Variants in TMCC1 observed in about 807,000 individuals in gnomAD.
TMCC1 encodes the protein transmembrane and coiled-coil domains protein 1.
A neutral mutation model predicts 52.4 loss-of-function variants in TMCC1; 15 were observed. That is an observed-to-expected ratio of 0.29 (90% confidence interval 0.19 to 0.44). The LOEUF (loss-of-function observed/expected upper bound fraction) is 0.44. Among genes scored for constraint, TMCC1 ranks in the 20% least tolerant of loss-of-function variants. The pLI is 1.00. For synonymous variants in TMCC1, 279 were observed against 301.9 expected (o/e 0.92, Z 0.79); for missense variants, 503 against 806.0 (o/e 0.62, Z 4.55).
At chr3:129,712,643 G>C (rs1003452258) in intron 4 of TMCC1, among the ~76,000 whole-genome samples, 1 of 151,828 alleles carries the variant, frequency 6.6e-6, no homozygotes, top group Non-Finnish European at 1.5e-5. Context: ...TGTAGAGACA[G>C]AGACTCACTC....
At chr3:129,709,185 C>G (rs1435328440) in intron 4 of TMCC1, among the ~76,000 whole-genome samples, 1 of 151,842 alleles carries the variant, frequency 6.6e-6, no homozygotes, top group Admixed American at 6.6e-5. Flanking sequence ...TTAGATTGTC[C>G]GGTGTAGTGG....
At chr3:129,734,426 T>C (rs1027876426) in intron 4 of TMCC1, among the ~76,000 whole-genome samples, 8 of 152,190 alleles carry the variant, frequency 5.3e-5, no homozygotes, top group South Asian at 4.1e-4. Flanking sequence ...TACAAGTACA[T>C]AGACATATTT....
intron 4 of TMCC1, among the ~76,000 whole-genome samples, chr3:129,774,429 T>G (rs1560389915): frequency 6.6e-6 from 1 of 152,178 alleles, no homozygotes; most frequent in Non-Finnish European, 1.5e-5. Flanking sequence ...TCACCTTCAA[T>G]AAATGTATGT....
Position 129,747,897 on chromosome 3 carries a change from T to A in TMCC1, c.577-76633A>T, listed in dbSNP as rs138404629. Among the ~76,000 whole-genome samples, 333 of 152,308 alleles carry A rather than the reference T, an allele frequency of 2.2e-3. 3 individuals are homozygous for A. The highest frequency in any genetic ancestry group is 7.6e-3 in the African/African-American group (314 of 41,562). ...CAGTAGCAGAAACACACTTTTCTCCTATAGTAATAACTAAGAAAGAACCCT... is the reference window on the plus strand; with the variant it reads ...CAGTAGCAGAAACACACTTTTCTCCAATAGTAATAACTAAGAAAGAACCCT... On this transcript the variant is annotated intron_variant, in intron 4 of 6. Coordinates refer to ENST00000393238, the MANE Select transcript of TMCC1 (RefSeq NM_001017395.5).
intron 4 of TMCC1, among the ~76,000 whole-genome samples, chr3:129,766,879 A>G (rs2054170898): frequency 6.6e-6 from 1 of 152,032 alleles, no homozygotes; most frequent in Non-Finnish European, 1.5e-5. Flanking sequence ...TTAGCCTCCC[A>G]AAGTGCTGGG....
At chr3:129,732,528 T>A (rs569478833) in intron 4 of TMCC1, among the ~76,000 whole-genome samples, 30 of 152,328 alleles carry the variant, frequency 2.0e-4, no homozygotes, top group Middle Eastern at 3.4e-3. Context: ...AAAGAGTTTA[T>A]TTTCAAATAT....
Position 129,651,825 on chromosome 3 carries a change from C to T in TMCC1, c.1648-30G>A. 2 of 1,592,316 alleles carry T rather than the reference C, an allele frequency of 1.3e-6. No homozygotes were observed. The highest frequency in any genetic ancestry group is 1.7e-6 in the Non-Finnish European group (2 of 1,169,388). On this transcript the variant is annotated intron_variant, in intron 6 of 6. Coordinates refer to ENST00000393238, the MANE Select transcript of TMCC1 (RefSeq NM_001017395.5). The surrounding 1 kb of genome is among the most constrained non-coding windows in gnomAD (Gnocchi z 5.1). Reference sequence around the variant, plus strand: ...GGGCCAGAACAGGGAAGAGTTAAGCCTTCTGCTCACAAGTATTCTGAGATG... The same window carrying T: ...GGGCCAGAACAGGGAAGAGTTAAGCTTTCTGCTCACAAGTATTCTGAGATG...
chr3:129,688,521 C>T (rs2089574153), intron 4 of TMCC1: 1 of 985,554 alleles, frequency 1.0e-6, no homozygotes, highest in South Asian at 4.7e-5. Flanking sequence ...GCAGGTACAG[C>T]CGCACCACAT....
intron 4 of TMCC1, among the ~76,000 whole-genome samples, chr3:129,813,931 T>A (rs1043634396): frequency 2.0e-5 from 3 of 152,024 alleles, no homozygotes; most frequent in Non-Finnish European, 2.9e-5. Context: ...TCTGTGATAA[T>A]AAACACTTTA....
intron 4 of TMCC1, among the ~76,000 whole-genome samples, chr3:129,731,781 C>T (rs556324824): frequency 1.8e-4 from 28 of 152,078 alleles, no homozygotes; most frequent in African/African-American, 6.0e-4. Flanking sequence ...CCCCCAAGCC[C>T]GGCTAGTTTT....
chr3:129,661,954 T>G (rs1024085195), intron 5 of TMCC1, among the ~76,000 whole-genome samples: 1 of 152,228 alleles, frequency 6.6e-6, no homozygotes, highest in South Asian at 2.1e-4. Flanking sequence ...GTTTACTTCC[T>G]GTCTAAATTC....
rs1292745259 is a variant in TMCC1, at chr3:129,840,408, AT to A, written c.-183-7583del. Among the ~76,000 whole-genome samples, 6 of 152,272 alleles carry A rather than the reference AT, an allele frequency of 3.9e-5. No homozygotes were observed. The East Asian group carries it at 1.2e-3, about 29-fold the overall frequency. ...AAGCAAAGATTTAAAGAGGAAAAAA[AT>A]AAAACAATGGAGAAAAATATACCAT... is the stretch of plus-strand genomic sequence containing the variant. On this transcript the variant is annotated intron_variant, in intron 2 of 6. Transcript: ENST00000393238.
intron 4 of TMCC1, among the ~76,000 whole-genome samples, chr3:129,681,375 GA>G (rs2088963164): frequency 6.6e-6 from 1 of 151,778 alleles, no homozygotes; most frequent in Non-Finnish European, 1.5e-5. Flanking sequence ...CTCACGGTTT[GA>G]ATTTATTTTA....
chr3:129,811,610 T>C (rs1426808438), intron 4 of TMCC1, among the ~76,000 whole-genome samples: 1 of 152,054 alleles, frequency 6.6e-6, no homozygotes, highest in Admixed American at 6.6e-5. Context: ...TCTCAGCAAA[T>C]CTTCAATAAA....
intron 4 of TMCC1, among the ~76,000 whole-genome samples, chr3:129,758,254 T>C (rs550506651): frequency 6.6e-6 from 1 of 152,300 alleles, no homozygotes; most frequent in South Asian, 2.1e-4. Context: ...AATTTACAGA[T>C]AAGCAAAAAG....
At chr3:129,653,671 C>G (rs1290954635) in intron 6 of TMCC1, among the ~76,000 whole-genome samples, 1 of 151,948 alleles carries the variant, frequency 6.6e-6, no homozygotes, top group African/African-American at 2.4e-5. Flanking sequence ...ATCTCCTGAC[C>G]TTGTGATCCG....
intron 4 of TMCC1, among the ~76,000 whole-genome samples, chr3:129,673,376 C>T (rs753724901): frequency 2.0e-5 from 3 of 152,122 alleles, no homozygotes; most frequent in Non-Finnish European, 4.4e-5. Flanking sequence ...GATTTCAGAT[C>T]CTTGACCTTG....
In TMCC1 at chr3:129,828,371, G is replaced by A; in HGVS notation, c.8C>T (p.Pro3Leu). ...CTCAAATAACTGTTCACTGCCCGAA[G>A]GCTCCATCAGTAGACTTAATATGCT... ME[P>L]SGSEQLFEDP... The change falls in exon 4 of 7, where the codon CCT becomes CTT. Residue 3 changes from proline (P) to leucine (L), a missense_variant. Coordinates refer to ENST00000393238, the MANE Select transcript of TMCC1 (RefSeq NM_001017395.5). This position sits in a 1 kb window ranked among gnomAD's most constrained non-coding sequence, Gnocchi z 4.1. 1.2e-6 allele frequency: 2 copies of A among 1,613,416 alleles called. No homozygotes were observed. The highest frequency in any genetic ancestry group is 1.7e-6 in the Non-Finnish European group (2 of 1,179,762).
At chr3:129,825,425 A>T (rs533460831) in intron 4 of TMCC1, among the ~76,000 whole-genome samples, 1 of 151,842 alleles carries the variant, frequency 6.6e-6, no homozygotes, top group South Asian at 2.1e-4. Flanking sequence ...AAATAAGAAG[A>T]TGATATAGTG....
Sources: allele counts gnomAD v4.1 joint callset (sites outside exome capture counted in the v4.1 genomes callset), GRCh38; gene constraint gnomAD v4.1.1; non-coding constraint Gnocchi (gnomAD v3.1); transcripts MANE v1.5; gene names NCBI Gene and HGNC (gene_info 2026-07-23, HGNC 2026-07-21).